The following RNF150 variants were observed in gnomAD, a reference collection of about 807,000 sequenced individuals.
RNF150 encodes the protein ring finger protein 150.
RNF150 carries 24 observed loss-of-function variants against 39.3 expected under a neutral mutation model. The ratio of observed to expected loss-of-function variants is 0.61; its 90% CI spans 0.44 to 0.86. The LOEUF (loss-of-function observed/expected upper bound fraction) is 0.86, where lower values mean the gene tolerates loss of function less well. Among genes scored for constraint, RNF150 ranks in the 40% least tolerant of loss-of-function variants. RNF150 has a pLI of 0.00. For synonymous variants in RNF150, 255 were observed against 227.3 expected, an observed-to-expected ratio of 1.12 and a Z score of -1.10; for missense variants, 502 against 587.8, an observed-to-expected ratio of 0.85 and a Z score of 1.51.
intron 2 of RNF150, among the ~76,000 whole-genome samples, chr4:140,955,523 T>A (rs1373253580): frequency 2.6e-5 from 4 of 152,204 alleles, no homozygotes; most frequent in African/African-American, 4.8e-5. Flanking sequence ...TCTAGCTTTA[T>A]CAGCTCATGA....
intron 1 of RNF150, among the ~76,000 whole-genome samples, chr4:141,090,807 T>C (rs1738552414): frequency 6.6e-6 from 1 of 152,132 alleles, no homozygotes; most frequent in Non-Finnish European, 1.5e-5. Context: ...TGGTTTTTTG[T>C]TTTGTTTTTT....
At chr4:141,056,600 T>C (rs1257628591) in intron 1 of RNF150, among the ~76,000 whole-genome samples, 1 of 151,776 alleles carries the variant, frequency 6.6e-6, no homozygotes, top group Non-Finnish European at 1.5e-5. Context: ...GAGGCCTTTG[T>C]AGCACATTGC....
Position 141,057,009 on chromosome 4 carries a change from T to C in RNF150, c.484+75316A>G, listed in dbSNP as rs371171441. Among the ~76,000 whole-genome samples the C allele has an allele frequency of 3.3e-5, 5 of 152,302 alleles. No homozygotes were observed. The East Asian group carries it at 9.6e-4, about 29-fold the overall frequency. On this transcript the variant is annotated intron_variant, in intron 1 of 6. Coordinates refer to ENST00000515673, the MANE Select transcript of RNF150 (RefSeq NM_020724.2). ...AAACCTTGACTATCCAAATACTAGC[T>C]GCATGTTCTTTGCAAATTATTTAAC...
At chr4:141,014,615 C>T (rs1041415209) in intron 1 of RNF150, among the ~76,000 whole-genome samples, 1 of 136,430 alleles carries the variant, frequency 7.3e-6, no homozygotes, top group African/African-American at 2.5e-5. Context: ...TTTCAGGTAC[C>T]AATTGGCCAC....
chr4:140,869,231 A>T (rs1256984450), intron 6 of RNF150, among the ~76,000 whole-genome samples: 3 of 152,246 alleles, frequency 2.0e-5, no homozygotes, highest in Non-Finnish European at 4.4e-5. Context: ...GTTTTCAAAG[A>T]ATTTGTAGTT....
chr4:141,031,035 A>G (rs1371766363), intron 1 of RNF150, among the ~76,000 whole-genome samples: 1 of 152,056 alleles, frequency 6.6e-6, no homozygotes, highest in Non-Finnish European at 1.5e-5. Context: ...CCTACTGGCC[A>G]GTCTAAGAAA....
chr4:141,120,508 C>A (rs1285401326), intron 1 of RNF150, among the ~76,000 whole-genome samples: 1 of 152,080 alleles, frequency 6.6e-6, no homozygotes, highest in African/African-American at 2.4e-5. Flanking sequence ...GCATAGCAAA[C>A]TGAACTTAAA....
chr4:141,015,821 T>C (rs1011280409), intron 1 of RNF150, among the ~76,000 whole-genome samples: 1 of 152,192 alleles, frequency 6.6e-6, no homozygotes, highest in Non-Finnish European at 1.5e-5. Flanking sequence ...TACTGTTCGA[T>C]TGTGGTTTTT....
intron 1 of RNF150, among the ~76,000 whole-genome samples, chr4:140,975,402 C>A (rs1733626414): frequency 6.6e-6 from 1 of 152,112 alleles, no homozygotes; most frequent in Non-Finnish European, 1.5e-5. Flanking sequence ...TGCAGGTGGT[C>A]CTGGAACCAA....
intron 2 of RNF150, among the ~76,000 whole-genome samples, chr4:140,955,034 G>A (rs969779673): frequency 6.6e-6 from 1 of 152,118 alleles, no homozygotes; most frequent in South Asian, 2.1e-4. Context: ...TAGGTGAAGG[G>A]AGGCCACTGT....
intron 1 of RNF150, among the ~76,000 whole-genome samples, chr4:141,050,875 T>C (rs2110889214): frequency 6.6e-6 from 1 of 152,332 alleles, no homozygotes; most frequent in African/African-American, 2.4e-5. Flanking sequence ...CTCCACTAGG[T>C]AGTGCCCCAG....
intron 1 of RNF150, among the ~76,000 whole-genome samples, chr4:141,021,998 T>C (rs1735513270): frequency 6.6e-6 from 1 of 152,224 alleles, no homozygotes; most frequent in African/African-American, 2.4e-5. Context: ...CTGCAACTCA[T>C]GCTCTGTGCC....
chr4:140,905,317 C>T (rs1429796870), intron 6 of RNF150, among the ~76,000 whole-genome samples: 2 of 152,056 alleles, frequency 1.3e-5, no homozygotes, highest in African/African-American at 4.8e-5. Context: ...TAGTTGAAGA[C>T]CATCAAGACA....
intron 2 of RNF150, among the ~76,000 whole-genome samples, chr4:140,955,042 T>C (rs907858704): frequency 6.6e-6 from 1 of 152,212 alleles, no homozygotes; most frequent in African/African-American, 2.4e-5. Context: ...GGGAGGCCAC[T>C]GTCAAAGTAA....
At chr4:140,920,729 C>T (rs1731084617) in intron 5 of RNF150, among the ~76,000 whole-genome samples, 2 of 152,080 alleles carry the variant, frequency 1.3e-5, no homozygotes, top group South Asian at 4.2e-4. Context: ...TATAAAGACA[C>T]ATGCACACAT....
Position 140,910,942 on chromosome 4 carries a change from G to T in RNF150, c.1198+202C>A, listed in dbSNP as rs146330060. 593 of 601,640 alleles carry T rather than the reference G, an allele frequency of 9.9e-4. 2 individuals are homozygous for T. The highest frequency in any genetic ancestry group is 1.5e-3 in the Non-Finnish European group (510 of 339,622). 37.3% of individuals were successfully genotyped at this position (601,640 alleles called of 1,614,324 possible). A position where few individuals can be genotyped will look rare whatever the true frequency, so the allele number is the denominator to read the frequency against. On this transcript the variant is annotated intron_variant, in intron 6 of 6. Coordinates refer to ENST00000515673, the MANE Select transcript of RNF150 (RefSeq NM_020724.2). ...TCAGTGTGTGGGCAGGCAGGAGCAT[G>T]GGCACACAGAGCCAGGTGGGCTGTC...
chr4:140,898,497 G>A (rs10013753), intron 6 of RNF150, among the ~76,000 whole-genome samples: 148,748 of 152,326 alleles, frequency 0.98, 72,724 homozygotes, highest in East Asian at 1. Flanking sequence ...CATGCATGTC[G>A]AAGTACTGCT....
chr4:140,944,361 G>A (rs76280437), intron 4 of RNF150, among the ~76,000 whole-genome samples: 1 of 152,248 alleles, frequency 6.6e-6, no homozygotes, highest in East Asian at 1.9e-4. Context: ...GTCTGAGGCT[G>A]AGCAGCTTTG....
intron 1 of RNF150, among the ~76,000 whole-genome samples, chr4:140,980,235 G>T (rs187163720): frequency 5.3e-5 from 8 of 152,010 alleles, no homozygotes; most frequent in Admixed American, 2.0e-4. Context: ...GGAAGATGGG[G>T]TTTCACTATG....
Sources: allele counts gnomAD v4.1 joint callset (sites outside exome capture counted in the v4.1 genomes callset), GRCh38; gene constraint gnomAD v4.1.1; transcripts MANE v1.5; gene names NCBI Gene and HGNC (gene_info 2026-07-23, HGNC 2026-07-21).